Variants in SCARA3 observed in about 807,000 individuals in gnomAD.
SCARA3 encodes cellular stress response gene protein.
Under a neutral mutation model 47.0 loss-of-function variants are expected in SCARA3, and 39 were observed. The ratio of observed to expected loss-of-function variants is 0.83; its 90% CI spans 0.64 to 1.08. SCARA3 has a LOEUF of 1.08. Among genes scored for constraint, SCARA3 ranks in the 50% least tolerant of loss-of-function variants. The pLI is 0.00. For synonymous variants in SCARA3, 356 were observed against 334.1 expected, an observed-to-expected ratio of 1.07 and a Z score of -0.71; for missense variants, 724 against 792.3, an observed-to-expected ratio of 0.91 and a Z score of 1.04.
In SCARA3 at chr8:27,646,353, T is replaced by C. The variant is rs537330466; in HGVS notation, c.8-3349T>C. Among the ~76,000 whole-genome samples, 3 of 152,318 alleles carry C rather than the reference T, an allele frequency of 2.0e-5. No individual in the cohort carries two copies. In the South Asian group the frequency reaches 6.2e-4, roughly 32 times the overall value. On this transcript the variant is annotated intron_variant, in intron 1 of 5. Coordinates refer to ENST00000301904, the MANE Select transcript of SCARA3 (RefSeq NM_016240.3). ...AGTTGCTAATCTGGGGGGCTGTCCATTGGGAAAGCTGGTTATAACAAAGCT... is the reference window on the plus strand; with the variant it reads ...AGTTGCTAATCTGGGGGGCTGTCCACTGGGAAAGCTGGTTATAACAAAGCT...
the SCARA3 span, among the ~76,000 whole-genome samples, chr8:27,682,618 G>A: frequency 1.3e-5 from 2 of 152,122 alleles, no homozygotes; most frequent in Non-Finnish European, 2.9e-5. Context: ...TGTAACATGT[G>A]TAAAGATGGT....
the SCARA3 span, among the ~76,000 whole-genome samples, chr8:27,714,924 T>C: frequency 6.6e-6 from 1 of 152,134 alleles, no homozygotes. Flanking sequence ...CTTCCTTTCT[T>C]TCCTTCTTTC....
the SCARA3 span, among the ~76,000 whole-genome samples, chr8:27,700,811 G>A: frequency 1.3e-5 from 2 of 152,166 alleles, no homozygotes; most frequent in South Asian, 2.1e-4. Flanking sequence ...GTGGAGCAAC[G>A]AGAACTCTCA....
chr8:27,704,328 C>T, the SCARA3 span, among the ~76,000 whole-genome samples: 1 of 152,112 alleles, frequency 6.6e-6, no homozygotes, highest in Middle Eastern at 3.4e-3. Flanking sequence ...CATCTGTAGT[C>T]TCAGCTACTC....
upstream of SCARA3, among the ~76,000 whole-genome samples, chr8:27,633,535 C>T (rs1427397651): frequency 2.0e-5 from 3 of 152,336 alleles, no homozygotes; most frequent in Admixed American, 6.5e-5. Context: ...GGGGTCCCCA[C>T]CCCTGCCCCA....
At chr8:27,660,206 T>C (rs1801864400) in intron 5 of SCARA3, among the ~76,000 whole-genome samples, 1 of 149,810 alleles carries the variant, frequency 6.7e-6, no homozygotes, top group Non-Finnish European at 1.5e-5. Flanking sequence ...CAATAGTGTA[T>C]GAGAGAGAGA....
At chr8:27,680,001 A>C (rs1178605308), downstream of SCARA3, 4 of 152,192 alleles carry the variant, frequency 2.6e-5, no homozygotes, top group Non-Finnish European at 5.9e-5. Flanking sequence ...AAAGAAAAAA[A>C]ATCAGAGAAA....
At chr8:27,660,702 GATAGAT>G (rs1801889259) in intron 5 of SCARA3, among the ~76,000 whole-genome samples, 1 of 73,010 alleles carries the variant, frequency 1.4e-5, no homozygotes, top group Non-Finnish European at 4.0e-5. Flanking sequence ...ATGATAGATA[GATAGAT>G]AGATAGATAG....
the SCARA3 span, among the ~76,000 whole-genome samples, chr8:27,727,914 C>T: frequency 6.6e-6 from 1 of 152,202 alleles, no homozygotes; most frequent in Admixed American, 6.5e-5. Context: ...AGGGAATCCA[C>T]GGGCCCAGGA....
In SCARA3 at chr8:27,658,519, T is replaced by C. The variant is rs1182915760; in HGVS notation, c.349T>C (p.Ser117Pro). ...GLDPKALNNC[S>P]FCHEAGQLGP... is the part of the protein sequence containing the mutation. Reference sequence around the variant, plus strand: ...AGATCCGAAAGCCCTGAACAACTGCTCTTTCTGCCATGAAGCTGGGCAGCT... The same window carrying C: ...AGATCCGAAAGCCCTGAACAACTGCCCTTTCTGCCATGAAGCTGGGCAGCT... The change falls in exon 5 of 6, where the codon TCT becomes CCT. Residue 117 changes from serine to proline, a missense_variant. Coordinates refer to ENST00000301904, the MANE Select transcript of SCARA3 (RefSeq NM_016240.3). The C allele has an allele frequency of 1.2e-6, 2 of 1,611,068 alleles. No individual in the cohort carries two copies. The highest frequency in any genetic ancestry group is 3.4e-5 in the Admixed American group (2 of 59,564).
In SCARA3 at chr8:27,634,226, G is replaced by A; in HGVS notation, c.7+19G>A. Reference sequence around the variant, plus strand: ...ATGAAAGGTAAGGGCGGCCTGTCGGGGGCAGCTCCGAGGGGGGCCGCCTGC... The same window carrying A: ...ATGAAAGGTAAGGGCGGCCTGTCGGAGGCAGCTCCGAGGGGGGCCGCCTGC... On this transcript the variant is annotated intron_variant, in intron 1 of 5. Coordinates refer to ENST00000301904, the MANE Select transcript of SCARA3 (RefSeq NM_016240.3). The A allele has an allele frequency of 9.6e-6, 13 of 1,352,762 alleles. No individual in the cohort carries two copies. The highest frequency in any genetic ancestry group is 1.2e-5 in the Non-Finnish European group (13 of 1,053,602). 83.8% of individuals were successfully genotyped at this position (1,352,762 alleles called of 1,614,324 possible). A position where few individuals can be genotyped will look rare whatever the true frequency, so the allele number is the denominator to read the frequency against.
chr8:27,688,588 C>T, the SCARA3 span, among the ~76,000 whole-genome samples: 5 of 152,042 alleles, frequency 3.3e-5, no homozygotes, highest in South Asian at 2.1e-4. Context: ...CCCAGCTACT[C>T]GGGAGGCTGA....
At chr8:27,656,604 C>G (rs548950191) in intron 3 of SCARA3, among the ~76,000 whole-genome samples, 178 bp from the exon 4 acceptor site, 4 of 152,070 alleles carry the variant, frequency 2.6e-5, no homozygotes, top group Admixed American at 2.0e-4. Context: ...TTCTAAAGGG[C>G]CTTGTGGCAA....
Position 27,671,069 on chromosome 8 carries a change from T to C in SCARA3, c.1539T>C (p.Val513=). ...EAGPVGERGP[V]GPRGFPGLKG... ...GGCCTGTGGGAGAAAGGGGCCCTGT[T>C]GGCCCTCGAGGGTTCCCAGGCCTCA... Residue 513 remains valine (V), a synonymous_variant, in exon 6 of 6, where the codon GTT becomes GTC. Transcript: ENST00000301904. 6.2e-7 allele frequency: 1 copy of C among 1,611,924 alleles called. No individual in the cohort carries two copies. Among genetic ancestry groups the C allele is most frequent in the Non-Finnish European group, 8.5e-7 (1 of 1,179,352 alleles).
chr8:27,700,433 C>G, the SCARA3 span, among the ~76,000 whole-genome samples: 1 of 152,000 alleles, frequency 6.6e-6, no homozygotes. Context: ...ATGGTGAAAC[C>G]CTGTCTCTAC....
chr8:27,700,616 A>T, the SCARA3 span, among the ~76,000 whole-genome samples: 1,840 of 152,070 alleles, frequency 0.012, 16 homozygotes, highest in Non-Finnish European at 0.019. Context: ...CAAAAATAAA[A>T]AAAAAAAAAA....
the SCARA3 span, among the ~76,000 whole-genome samples, chr8:27,715,845 G>GATAC: frequency 2.0e-4 from 26 of 131,194 alleles, no homozygotes; most frequent in African/African-American, 6.4e-4. This position sits in a 1 kb window ranked among gnomAD's most constrained non-coding sequence, Gnocchi z 4.2. Context: ...TAGATAGATA[G>GATAC]ATAGATAGAT....
At position 27,671,956 on chromosome 8, in the gene SCARA3, T is replaced by C; in HGVS notation, c.*605T>C. ...GGAGGCAGCTACCTCGGGAGGAAGG[T>C]CTCACATCTGTCTCTGGGCACCCAT... is the stretch of plus-strand genomic sequence containing the variant. On this transcript the variant is annotated 3_prime_UTR_variant, in exon 6 of 6. Transcript: ENST00000301904. 6.1e-6 allele frequency: 6 copies of C among 985,132 alleles called. No homozygotes were observed. Among genetic ancestry groups the C allele is most frequent in the Non-Finnish European group, 7.2e-6 (6 of 829,876 alleles). 61.0% of individuals were successfully genotyped at this position (985,132 alleles called of 1,614,324 possible).
chr8:27,723,631 G>A, the SCARA3 span, among the ~76,000 whole-genome samples: 5 of 152,192 alleles, frequency 3.3e-5, no homozygotes, highest in East Asian at 9.6e-4. Flanking sequence ...CCCAGATGAC[G>A]GACACCCCAG....
Sources: gnomAD v4.1 joint callset for allele counts (sites outside exome capture counted in the v4.1 genomes callset) on GRCh38, gnomAD v4.1.1 for gene constraint, Gnocchi (gnomAD v3.1) non-coding constraint, MANE v1.5 for transcripts, NCBI Gene and HGNC (gene_info 2026-07-23, HGNC 2026-07-21) for gene names.